VSIG10: variants seen among roughly 807,000 people sequenced by gnomAD.
VSIG10 encodes V-set and immunoglobulin domain-containing protein 10.
A neutral mutation model predicts 58.7 loss-of-function variants in VSIG10; 48 were observed. The observed-to-expected ratio is 0.82, with a 90% confidence interval of 0.65 to 1.04. The LOEUF (loss-of-function observed/expected upper bound fraction) is 1.04. Ranked by LOEUF, VSIG10 falls within the 50% of genes least tolerant of loss-of-function variation. The pLI is 0.00. For synonymous variants in VSIG10, 260 were observed against 267.1 expected, an observed-to-expected ratio of 0.97 and a Z score of 0.26; for missense variants, 628 against 670.0, an observed-to-expected ratio of 0.94 and a Z score of 0.69.
chr12:118,098,308 CCTCTCTCTCCGCCTCTCCCT>C (rs1566179749), intron 1 of VSIG10, among the ~76,000 whole-genome samples: 3 of 124,668 alleles, frequency 2.4e-5, no homozygotes, highest in Non-Finnish European at 3.3e-5. Flanking sequence ...TCCGCCTCTC[CCTCTCTCTCCGCCTCTCCCT>C]CTCTCTCCGC....
Position 118,103,659 on chromosome 12 carries a change from C to G in VSIG10, c.13G>C (p.Gly5Arg). MAAG[G>R]SAPEPRVLVC... is the part of the protein sequence containing the mutation. ...AGGACGCGGGGCTCGGGCGCACTGC[C>G]GCCTGCGGCCATCTCGCCCCAGATC... The change falls in exon 1 of 9, where the codon GGC becomes CGC. Residue 5 changes from glycine to arginine, a missense_variant. Transcript: ENST00000359236. 6.7e-7 allele frequency: 1 copy of G among 1,497,430 alleles called. No individual in the cohort carries two copies. The highest frequency in any genetic ancestry group is 2.8e-5 in the East Asian group (1 of 35,436). 92.8% of individuals were successfully genotyped at this position (1,497,430 alleles called of 1,614,324 possible). A position where few individuals can be genotyped will look rare whatever the true frequency, so the allele number is the denominator to read the frequency against.
chr12:118,095,333 G>A (rs568612229), intron 2 of VSIG10, among the ~76,000 whole-genome samples, 200 bp downstream of exon 2: 2 of 152,252 alleles, frequency 1.3e-5, no homozygotes, highest in East Asian at 1.9e-4. Context: ...GAGCCACTGC[G>A]CCCGGCCACA....
At position 118,066,411 on chromosome 12, in the gene VSIG10, C is replaced by G. The variant is rs2032247713; in HGVS notation, c.*228G>C. Reference sequence around the variant, plus strand: ...CAGACACCAAAGCAGCTTTCCTTCTCAAAGCTTTTAAACATCATTGGGAAA... The same window carrying G: ...CAGACACCAAAGCAGCTTTCCTTCTGAAAGCTTTTAAACATCATTGGGAAA... On this transcript the variant is annotated 3_prime_UTR_variant, in exon 9 of 9. Transcript: ENST00000359236. 1.7e-6 allele frequency: 1 copy of G among 573,522 alleles called. No individual in the cohort carries two copies. The highest frequency in any genetic ancestry group is 3.1e-6 in the Non-Finnish European group (1 of 319,500). The allele number at this position is 573,522 out of a possible 1,614,324, so 35.5% of individuals were successfully genotyped here.
intron 3 of VSIG10, among the ~76,000 whole-genome samples, chr12:118,080,867 G>A (rs1193200037): frequency 6.6e-6 from 1 of 152,108 alleles, no homozygotes. Flanking sequence ...TCCAGGTCTG[G>A]GGAAAAGAGG....
intron 5 of VSIG10, 22 bp from the exon 6 acceptor site, chr12:118,071,491 T>C: frequency 6.3e-7 from 1 of 1,598,224 alleles, no homozygotes; most frequent in South Asian, 1.1e-5. Context: ...AATCACACCA[T>C]TGATTCTTCC....
chr12:118,098,901 CT>C (rs939724472), intron 1 of VSIG10, among the ~76,000 whole-genome samples: 17 of 128,324 alleles, frequency 1.3e-4, no homozygotes, highest in Middle Eastern at 4.1e-3. Flanking sequence ...AATTATTTAA[CT>C]TTTTTTTTAA....
At chr12:118,094,731 G>T (rs2033394593) in intron 2 of VSIG10, among the ~76,000 whole-genome samples, 1 of 149,414 alleles carries the variant, frequency 6.7e-6, no homozygotes, top group Non-Finnish European at 1.5e-5. Flanking sequence ...ATTCTAAGAA[G>T]CAATAATTTT....
At chr12:118,094,528 C>A (rs998344272) in intron 2 of VSIG10, among the ~76,000 whole-genome samples, 7 of 151,728 alleles carry the variant, frequency 4.6e-5, no homozygotes, top group Non-Finnish European at 7.4e-5. Context: ...GTATTACAGG[C>A]ACCCACCACA....
intron 2 of VSIG10, among the ~76,000 whole-genome samples, chr12:118,090,253 C>T (rs1056125032): frequency 2.6e-5 from 4 of 151,988 alleles, no homozygotes; most frequent in East Asian, 1.9e-4. Flanking sequence ...GGTTGTGAGC[C>T]GAGATCATGC....
At chr12:118,067,036 C>T in intron 8 of VSIG10, among the ~76,000 whole-genome samples, 1 of 151,946 alleles carries the variant, frequency 6.6e-6, no homozygotes. Context: ...CAGCACACCT[C>T]TCCGGGCTCT....
intron 1 of VSIG10, among the ~76,000 whole-genome samples, chr12:118,097,382 G>A (rs938964646): frequency 6.6e-6 from 1 of 152,170 alleles, no homozygotes; most frequent in Non-Finnish European, 1.5e-5. Flanking sequence ...GGGAGGCCGA[G>A]GGAGGAGGTT....
chr12:118,077,726 C>T (rs2032784040), intron 4 of VSIG10, among the ~76,000 whole-genome samples: 1 of 152,190 alleles, frequency 6.6e-6, no homozygotes, highest in Non-Finnish European at 1.5e-5. Context: ...TGAGGGAAGC[C>T]ATCTGCCATG....
chr12:118,075,609 C>T (rs1255148915), intron 4 of VSIG10, among the ~76,000 whole-genome samples: 1 of 152,136 alleles, frequency 6.6e-6, no homozygotes, highest in Non-Finnish European at 1.5e-5. Context: ...TCCACCTTGG[C>T]CTCCCAAAGT....
Position 118,076,045 on chromosome 12 carries a change from G to A in VSIG10, c.926-2053C>T, listed in dbSNP as rs74956315. ...TTTACACATAAAAACTGTACTGATCGTATAAAAATGGACACATATCTGACA... is the reference window on the plus strand; with the variant it reads ...TTTACACATAAAAACTGTACTGATCATATAAAAATGGACACATATCTGACA... On this transcript the variant is annotated intron_variant, in intron 4 of 8. Coordinates refer to ENST00000359236, the MANE Select transcript of VSIG10 (RefSeq NM_019086.6). 2.3e-3 allele frequency among the ~76,000 whole-genome samples: 356 copies of A among 152,280 alleles called. 5 individuals are homozygous for A. Among genetic ancestry groups the A allele is most frequent in the Admixed American group, 0.017 (255 of 15,288 alleles).
chr12:118,103,693 G>T lies in VSIG10; in HGVS notation c.-22C>A, dbSNP rs1592905868. 1 of 1,473,658 alleles carries T rather than the reference G, an allele frequency of 6.8e-7. No homozygotes were observed. Among genetic ancestry groups the T allele is most frequent in the Non-Finnish European group, 9.0e-7 (1 of 1,117,212 alleles). The allele number at this position is 1,473,658 out of a possible 1,614,324, so 91.3% of individuals were successfully genotyped here. A position where few individuals can be genotyped will look rare whatever the true frequency, so the allele number is the denominator to read the frequency against. On this transcript the variant is annotated 5_prime_UTR_variant, in exon 1 of 9. The change creates a new upstream start codon in the 5' untranslated region. Transcript: ENST00000359236. ...CCATCTCGCCCCAGATCCCGGCTCA[G>T]GAAACGCAGGCTCGGGCTGGGCTGG... is the stretch of plus-strand genomic sequence containing the variant.
Position 118,079,472 on chromosome 12 carries a change from C to G in VSIG10, c.799G>C (p.Val267Leu). 1.2e-6 allele frequency: 2 copies of G among 1,614,038 alleles called. No homozygotes were observed. Among genetic ancestry groups the G allele is most frequent in the Non-Finnish European group, 1.7e-6 (2 of 1,179,904 alleles). Residue 267 changes from valine (V) to leucine (L), a missense_variant, in exon 4 of 9, where the codon GTG becomes CTG. By Grantham distance (32) the Val-to-Leu change is conservative. Coordinates refer to ENST00000359236, the MANE Select transcript of VSIG10 (RefSeq NM_019086.6). Reference sequence around the variant, plus strand: ...TCCACCCCCAGCTTTGACTTCCCCACGATTACACCTCCTGGCTCTTCTATC... The same window carrying G: ...TCCACCCCCAGCTTTGACTTCCCCAGGATTACACCTCCTGGCTCTTCTATC... ...LWIEEPGGVI[V>L]GKSKLGVEML... is the part of the protein sequence containing the mutation.
intron 1 of VSIG10, among the ~76,000 whole-genome samples, chr12:118,101,156 A>C (rs963910937): frequency 1.3e-5 from 2 of 152,188 alleles, no homozygotes; most frequent in African/African-American, 2.4e-5. Context: ...CTGTATCTGA[A>C]GGTGCCCTTG....
intron 3 of VSIG10, among the ~76,000 whole-genome samples, chr12:118,080,953 T>C (rs2032926763): frequency 6.6e-6 from 1 of 152,076 alleles, no homozygotes; most frequent in Non-Finnish European, 1.5e-5. Flanking sequence ...CAAAAATGTT[T>C]TGGAGGGCCA....
In VSIG10 at chr12:118,066,245, CAA is replaced by C. The variant is rs35019751; in HGVS notation, c.*392_*393del. On this transcript the variant is annotated 3_prime_UTR_variant, in exon 9 of 9. Coordinates refer to ENST00000359236, the MANE Select transcript of VSIG10 (RefSeq NM_019086.6). ...TGGGCAATAGAGGGAGACTCCGTCT[CAA>C]AAAAAAAAAAAAAAAAAAAAAAAAG... 392 of 40,162 alleles carry C rather than the reference CAA, an allele frequency of 9.8e-3. 1 individual carries two copies. Among genetic ancestry groups the C allele is most frequent in the South Asian group, 0.053 (80 of 1,506 alleles). 2.5% of individuals were successfully genotyped at this position (40,162 alleles called of 1,614,324 possible).
Sources: gnomAD v4.1 joint callset for allele counts (sites outside exome capture counted in the v4.1 genomes callset) on GRCh38, gnomAD v4.1.1 for gene constraint, MANE v1.5 for transcripts, NCBI Gene and HGNC (gene_info 2026-07-23, HGNC 2026-07-21) for gene names.